Variants in SLC24A3 observed in about 807,000 individuals in gnomAD.
The protein encoded by SLC24A3 is sodium/potassium/calcium exchanger 3.
Under a neutral mutation model 75.8 loss-of-function variants are expected in SLC24A3, and 28 were observed. The observed-to-expected ratio is 0.37, with a 90% confidence interval of 0.27 to 0.51. The LOEUF is 0.51. Ranked by LOEUF, SLC24A3 falls within the 20% of genes least tolerant of loss-of-function variation. The probability of loss-of-function intolerance (pLI) is 0.94; values close to 1 mark genes in which losing one functional copy is unlikely to be tolerated. For missense variants in SLC24A3, 663 were observed against 847.8 expected (o/e 0.78, Z 2.71); for synonymous variants, 372 against 334.1 (o/e 1.11, Z -1.24).
At chr20:19,289,187 GC>G (rs1474188382) in intron 2 of SLC24A3, among the ~76,000 whole-genome samples, 4 of 151,850 alleles carry the variant, frequency 2.6e-5, no homozygotes, top group Non-Finnish European at 4.4e-5. Context: ...CCCTCCTCCT[GC>G]CCCCACCCAC....
chr20:19,355,925 C>T (rs1207078088), intron 2 of SLC24A3, among the ~76,000 whole-genome samples: 1 of 152,202 alleles, frequency 6.6e-6, no homozygotes, highest in Non-Finnish European at 1.5e-5. Context: ...GGAACTGCTA[C>T]ATTTGGGTTA....
intron 2 of SLC24A3, among the ~76,000 whole-genome samples, chr20:19,332,324 C>T (rs1325948504): frequency 6.6e-6 from 1 of 152,170 alleles, no homozygotes; most frequent in African/African-American, 2.4e-5. Context: ...ACCCCCTCAA[C>T]AGGGAGCAAG....
At chr20:19,292,154 G>C (rs1488484985) in intron 2 of SLC24A3, among the ~76,000 whole-genome samples, 1 of 152,144 alleles carries the variant, frequency 6.6e-6, no homozygotes, top group Non-Finnish European at 1.5e-5. Flanking sequence ...GAGAAGTGGG[G>C]ATCATTCATG....
At chr20:19,446,479 A>C (rs115175972) in intron 2 of SLC24A3, among the ~76,000 whole-genome samples, 53 of 152,318 alleles carry the variant, frequency 3.5e-4, no homozygotes, top group African/African-American at 1.3e-3. Flanking sequence ...CAAGGGATTT[A>C]TCTTTGGACT....
intron 7 of SLC24A3, among the ~76,000 whole-genome samples, chr20:19,663,424 CCTCCTCCTCCGCCTTCT>C (rs760609633): frequency 1.0e-5 from 1 of 96,418 alleles, no homozygotes; most frequent in Non-Finnish European, 1.9e-5. Flanking sequence ...TCCTCCTCCT[CCTCCTCCTCCGCCTTCT>C]CATCCTCCTC....
In SLC24A3 at chr20:19,722,612, AC is replaced by A. The variant is rs1208539256; in HGVS notation, c.*1473del. The A allele has an allele frequency of 6.6e-6, 1 of 152,618 alleles. No individual in the cohort carries two copies. The highest frequency in any genetic ancestry group is 1.5e-5 in the Non-Finnish European group (1 of 68,030). 9.5% of individuals were successfully genotyped at this position (152,618 alleles called of 1,614,324 possible). ...GCTGTCCCTTGTATTTACTTTAAGC[AC>A]TGATCACTTATCATTCATTCGGTAT... On this transcript the variant is annotated 3_prime_UTR_variant, in exon 17 of 17. Transcript: ENST00000328041.
intron 2 of SLC24A3, among the ~76,000 whole-genome samples, chr20:19,488,648 G>A (rs186216968): frequency 6.6e-6 from 1 of 152,014 alleles, no homozygotes; most frequent in Non-Finnish European, 1.5e-5. Flanking sequence ...GTACAGGTTG[G>A]GCATCCCTTA....
chr20:19,693,487 A>G, intron 13 of SLC24A3, 62 bp downstream of exon 13: 2 of 1,580,374 alleles, frequency 1.3e-6, no homozygotes, highest in Non-Finnish European at 1.7e-6. Context: ...GAAGGGAATA[A>G]GAGTCAGGGT....
At chr20:19,229,462 T>C (rs1981956117) in intron 1 of SLC24A3, among the ~76,000 whole-genome samples, 1 of 152,220 alleles carries the variant, frequency 6.6e-6, no homozygotes, top group Non-Finnish European at 1.5e-5. Flanking sequence ...ATTTGATGTT[T>C]AGTGTAGCTT....
chr20:19,291,831 A>G (rs1449160131), intron 2 of SLC24A3, among the ~76,000 whole-genome samples: 1 of 152,178 alleles, frequency 6.6e-6, no homozygotes, highest in African/African-American at 2.4e-5. Flanking sequence ...TGAAAAAAAG[A>G]AAAAAGGCAA....
chr20:19,653,847 G>A (rs77527145), intron 6 of SLC24A3, among the ~76,000 whole-genome samples: 8 of 152,280 alleles, frequency 5.3e-5, no homozygotes, highest in South Asian at 4.2e-4. Context: ...GTTGTTTCCC[G>A]CTAACAAAAT....
At chr20:19,221,525 T>G (rs920586087) in intron 1 of SLC24A3, among the ~76,000 whole-genome samples, 2 of 152,206 alleles carry the variant, frequency 1.3e-5, no homozygotes, top group African/African-American at 4.8e-5. Flanking sequence ...ATAGGGAGTG[T>G]GGAAAGTAAA....
At chr20:19,471,022 A>G (rs1987861368) in intron 2 of SLC24A3, among the ~76,000 whole-genome samples, 2 of 152,248 alleles carry the variant, frequency 1.3e-5, no homozygotes, top group South Asian at 4.1e-4. Context: ...TCAAGCCAGC[A>G]GACTGAGAAA....
chr20:19,391,938 C>T (rs769826015), intron 2 of SLC24A3, among the ~76,000 whole-genome samples: 6 of 152,154 alleles, frequency 3.9e-5, no homozygotes, highest in Non-Finnish European at 5.9e-5. Context: ...GCAGTGTCTC[C>T]GAATCTTGTG....
chr20:19,232,339 A>G (rs968753898), intron 1 of SLC24A3, among the ~76,000 whole-genome samples: 4 of 152,212 alleles, frequency 2.6e-5, no homozygotes, highest in African/African-American at 9.7e-5. Flanking sequence ...AATAAGAGAG[A>G]TGGTTATCAC....
chr20:19,721,014 G>A lies in SLC24A3; in HGVS notation c.1809G>A (p.Lys603=). The stretch of plus-strand genomic sequence containing the variant: ...AGGTGTTCGGCGTCCACCTGAACAA[G>A]TGGCAGCTGGACAAGAAGCTGGGCT... ...FVTVFGVHLN[K]WQLDKKLGCG... is the part of the protein sequence containing the mutation. Residue 603 remains lysine (K), a synonymous_variant, in exon 17 of 17, where the codon AAG becomes AAA. Coordinates refer to ENST00000328041, the MANE Select transcript of SLC24A3 (RefSeq NM_020689.4). 1 of 1,614,054 alleles carries A rather than the reference G, an allele frequency of 6.2e-7. No homozygotes were observed. Among genetic ancestry groups the A allele is most frequent in the Non-Finnish European group, 8.5e-7 (1 of 1,179,998 alleles).
chr20:19,666,460 C>A (rs1419636372), intron 8 of SLC24A3, among the ~76,000 whole-genome samples: 1 of 152,014 alleles, frequency 6.6e-6, no homozygotes, highest in Non-Finnish European at 1.5e-5. Context: ...GAGCCAAGAT[C>A]ACACCACTGC....
At chr20:19,522,531 G>C (rs1291338551) in intron 3 of SLC24A3, among the ~76,000 whole-genome samples, 1 of 152,312 alleles carries the variant, frequency 6.6e-6, no homozygotes, top group East Asian at 1.9e-4. Flanking sequence ...AATAAAGTGG[G>C]AACGCATGGT....
chr20:19,380,365 C>T (rs1417865064), intron 2 of SLC24A3, among the ~76,000 whole-genome samples: 2 of 152,188 alleles, frequency 1.3e-5, no homozygotes, highest in Admixed American at 1.3e-4. Context: ...CCCGGCAATA[C>T]TAGTCCTTGT....
Sources: gnomAD v4.1 joint callset for allele counts (sites outside exome capture counted in the v4.1 genomes callset) on GRCh38, gnomAD v4.1.1 for gene constraint, MANE v1.5 for transcripts, NCBI Gene and HGNC (gene_info 2026-07-23, HGNC 2026-07-21) for gene names.